Variants in XIRP1 observed in about 807,000 individuals in gnomAD.
XIRP1 encodes xin actin binding repeat containing 1.
For missense variants in XIRP1, 2,378 were observed against 2,345.4 expected (o/e 1.01, Z -0.29); for synonymous variants, 984 against 947.0 (o/e 1.04, Z -0.72).
Position 39,187,642 on chromosome 3 carries a change from G to A in XIRP1, c.1804C>T (p.Pro602Ser), listed in dbSNP as rs1389165789. Residue 602 changes from proline to serine, a missense_variant, in exon 2 of 2, where the codon CCA becomes TCA. Transcript: ENST00000340369. ...QTIRWLFETC[P>S]MSELAEKQGS... ...TGCTTTTCGGCCAACTCACTCATTG[G>A]GCAAGTCTCGAACAACCACCGGATG... The A allele has an allele frequency of 1.2e-6, 2 of 1,613,858 alleles. No homozygotes were observed. The highest frequency in any genetic ancestry group is 3.3e-5 in the Admixed American group (2 of 60,004).
In XIRP1 at chr3:39,185,195, G is replaced by A. The variant is rs773250053; in HGVS notation, c.4251C>T (p.Gly1417=). 1 of 1,613,550 alleles carries A rather than the reference G, an allele frequency of 6.2e-7. No homozygotes were observed. The highest frequency in any genetic ancestry group is 1.7e-5 in the Admixed American group (1 of 59,976). The change falls in exon 2 of 2, where the codon GGC becomes GGT. Residue 1417 remains glycine (G), a synonymous_variant. Coordinates refer to ENST00000340369, the MANE Select transcript of XIRP1 (RefSeq NM_194293.4). ...GGGGCTCAGAGCTCTGGGCATTGCT[G>A]CCTGTAGCCTGATTCTTGGTGGGCC... ...APRPTKNQAT[G]SNAQSSEPPK...
rs1575180995 is a variant in XIRP1, at chr3:39,187,125, G to A, written c.2321C>T (p.Thr774Ile). 2.5e-6 allele frequency: 4 copies of A among 1,613,130 alleles called. No individual in the cohort carries two copies. In the East Asian group the frequency reaches 8.9e-5, roughly 36 times the overall value. ...QESQETAAEG[T>I]LRTLHATPGI... ...AGGTGTGGCATGCAGAGTCCGCAGG[G>A]TCCCCTCAGCTGCAGTCTCCTGGCT... The change falls in exon 2 of 2, where the codon ACC (threonine) becomes ATC (isoleucine). Residue 774 changes from threonine (T) to isoleucine (I), a missense_variant. Coordinates refer to ENST00000340369, the MANE Select transcript of XIRP1 (RefSeq NM_194293.4).
In XIRP1 at chr3:39,183,857, G is replaced by A. The variant is rs2039908089; in HGVS notation, c.*57C>T. On this transcript the variant is annotated 3_prime_UTR_variant, in exon 2 of 2. Transcript: ENST00000340369. ...GTACAGGAGGCAGGTACCCACTTCAGTCCTGGGGCAGTGGAGGCCAGGAAC... is the reference window on the plus strand; with the variant it reads ...GTACAGGAGGCAGGTACCCACTTCAATCCTGGGGCAGTGGAGGCCAGGAAC... The A allele has an allele frequency of 1.3e-6, 2 of 1,565,564 alleles. No homozygotes were observed. The highest frequency in any genetic ancestry group is 2.7e-5 in the African/African-American group (2 of 74,402).
Position 39,184,721 on chromosome 3 carries a change from C to T in XIRP1, c.4725G>A (p.Gln1575=). ...QPEASARGHF[Q]GPPKDHSAHK... is the part of the protein sequence containing the mutation. ...GGGCACTGTGGTCTTTTGGAGGTCC[C>T]TGGAAATGGCCTCTGGCACTGGCCT... Residue 1575 remains glutamine, a synonymous_variant, in exon 2 of 2, where the codon CAG becomes CAA. Coordinates refer to ENST00000340369, the MANE Select transcript of XIRP1 (RefSeq NM_194293.4). The T allele has an allele frequency of 6.2e-7, 1 of 1,614,268 alleles. No homozygotes were observed. Among genetic ancestry groups the T allele is most frequent in the Non-Finnish European group, 8.5e-7 (1 of 1,180,048 alleles).
At position 39,185,669 on chromosome 3, in the gene XIRP1, A is replaced by C. The variant is rs1391694029; in HGVS notation, c.3777T>G (p.Thr1259=). The part of the protein sequence containing the change: ...PHNAFVPPPP[T]LPAAVTGPDF... ...CAGGTCCTGTCACAGCAGCTGGGAG[A>C]GTAGGAGGAGGAGGAACAAAGGCAT... Residue 1259 remains threonine, a synonymous_variant, in exon 2 of 2, where the codon ACT becomes ACG. Transcript: ENST00000340369. 2 of 1,612,986 alleles carry C rather than the reference A, an allele frequency of 1.2e-6. No individual in the cohort carries two copies. The highest frequency in any genetic ancestry group is 1.7e-5 in the Admixed American group (1 of 59,892).
At position 39,187,483 on chromosome 3, in the gene XIRP1, C is replaced by T; in HGVS notation, c.1963G>A (p.Glu655Lys). The T allele has an allele frequency of 6.2e-7, 1 of 1,614,042 alleles. No individual in the cohort carries two copies. Among genetic ancestry groups the T allele is most frequent in the Non-Finnish European group, 8.5e-7 (1 of 1,180,044 alleles). Residue 655 changes from glutamate to lysine, a missense_variant, in exon 2 of 2, where the codon GAA (glutamate) becomes AAA (lysine). Coordinates refer to ENST00000340369, the MANE Select transcript of XIRP1 (RefSeq NM_194293.4). ...AAGACGTGTCTGTCTGTCTGTCTTT[C>T]CCCAGCCGGGACCTGGCTAACCTGC... ...HLQVSQVPAGERQTDRHVFET... is the reference protein window; with the variant it reads ...HLQVSQVPAGKRQTDRHVFET...
At position 39,186,825 on chromosome 3, in the gene XIRP1, A is replaced by G; in HGVS notation, c.2621T>C (p.Met874Thr). The change falls in exon 2 of 2, where the codon ATG becomes ACG. Residue 874 changes from methionine (M) to threonine (T), a missense_variant. Coordinates refer to ENST00000340369, the MANE Select transcript of XIRP1 (RefSeq NM_194293.4). ...TPGSSGNIEDMDPELQQLLAC... is the reference protein window; with the variant it reads ...TPGSSGNIEDTDPELQQLLAC... ...CAGCAGCTGCTGGAGCTCAGGGTCCATGTCTTCAATATTCCCACTGCTGCC... is the reference window on the plus strand; with the variant it reads ...CAGCAGCTGCTGGAGCTCAGGGTCCGTGTCTTCAATATTCCCACTGCTGCC... 3 of 1,613,876 alleles carry G rather than the reference A, an allele frequency of 1.9e-6. No homozygotes were observed. Among genetic ancestry groups the G allele is most frequent in the Non-Finnish European group, 8.5e-7 (1 of 1,179,800 alleles).
In XIRP1 at chr3:39,184,416, G is replaced by A. The variant is rs762312713; in HGVS notation, c.5030C>T (p.Ser1677Leu). The A allele has an allele frequency of 1.3e-5, 21 of 1,614,016 alleles. No individual in the cohort carries two copies. Among genetic ancestry groups the A allele is most frequent in the African/African-American group, 4.0e-5 (3 of 74,912 alleles). The change falls in exon 2 of 2, where the codon TCG becomes TTG. Residue 1677 changes from serine (S) to leucine (L), a missense_variant. Transcript: ENST00000340369. ...PSSPTFISIQSATRKPLETPS... is the reference protein window; with the variant it reads ...PSSPTFISIQLATRKPLETPS... ...AGTCTCTAGAGGCTTCCTTGTGGCC[G>A]ACTGGATGGAGATAAATGTTGGGGA...
chr3:39,187,088 G>A lies in XIRP1; in HGVS notation c.2358C>T (p.His786=). 1 of 1,613,730 alleles carries A rather than the reference G, an allele frequency of 6.2e-7. No individual in the cohort carries two copies. Among genetic ancestry groups the A allele is most frequent in the African/African-American group, 1.3e-5 (1 of 75,050 alleles). Residue 786 remains histidine (H), a synonymous_variant, in exon 2 of 2, where the codon CAC becomes CAT. Transcript: ENST00000340369. ...RTLHATPGIL[H]HGGILMEARG... is the part of the protein sequence containing the mutation. ...GGGCCTCCATGAGGATGCCTCCATG[G>A]TGCAGGATGCCAGGTGTGGCATGCA...
In XIRP1 at chr3:39,188,812, G is replaced by C. The variant is rs778143281; in HGVS notation, c.634C>G (p.Gln212Glu). The C allele has an allele frequency of 6.2e-7, 1 of 1,613,200 alleles. No individual in the cohort carries two copies. Among genetic ancestry groups the C allele is most frequent in the African/African-American group, 1.3e-5 (1 of 74,944 alleles). ...RLGSRPSLQEQSPLELRSEIQ... is the reference protein window; with the variant it reads ...RLGSRPSLQEESPLELRSEIQ... ...TCTGAGCGCAGTTCCAAGGGGCTCT[G>C]CTCCTGCAGGGAGGGGCGGGAGCCC... Residue 212 changes from glutamine to glutamate, a missense_variant, in exon 2 of 2, where the codon CAG (glutamine) becomes GAG (glutamate). Gln to Glu is a conservative substitution (Grantham distance 29, BLOSUM62 2). Coordinates refer to ENST00000340369, the MANE Select transcript of XIRP1 (RefSeq NM_194293.4).
Position 39,184,129 on chromosome 3 carries a change from C to A in XIRP1, c.5317G>T (p.Glu1773Ter). 1 of 1,610,942 alleles carries A rather than the reference C, an allele frequency of 6.2e-7. No homozygotes were observed. The highest frequency in any genetic ancestry group is 1.1e-5 in the South Asian group (1 of 90,626). Residue 1773 changes from glutamate to a stop codon, truncating the protein, a stop_gained, in exon 2 of 2, where the codon GAG becomes TAG. Transcript: ENST00000340369. LOFTEE classifies it low-confidence loss of function (END_TRUNC). ...GTGTTCCCAAACTGGTCCACCTCCT[C>A]ATACTGTTCAGTCACGGTTCTCATG... ...GAMRTVTEQY[E>*]EVDQFGNTVL...
chr3:39,191,876 A>G (rs1226873802), intron 1 of XIRP1, among the ~76,000 whole-genome samples: 1 of 152,228 alleles, frequency 6.6e-6, no homozygotes, highest in East Asian at 1.9e-4. Context: ...GACTATGGAC[A>G]TGGGCAGAGT....
In XIRP1 at chr3:39,184,985, G is replaced by A; in HGVS notation, c.4461C>T (p.Ser1487=). 6.6e-7 allele frequency: 1 copy of A among 1,523,614 alleles called. No individual in the cohort carries two copies. The highest frequency in any genetic ancestry group is 8.8e-7 in the Non-Finnish European group (1 of 1,138,750). 94.4% of individuals were successfully genotyped at this position (1,523,614 alleles called of 1,614,324 possible). ...QVQALEKEAA[S]SVDVQALRRL... is the part of the protein sequence containing the mutation. ...TCCGCAGGGCCTGCACGTCCACACTGCTTGCGGCCTCCTTCTCCAGGGCTT... is the reference window on the plus strand; with the variant it reads ...TCCGCAGGGCCTGCACGTCCACACTACTTGCGGCCTCCTTCTCCAGGGCTT... Residue 1487 remains serine (S), a synonymous_variant, in exon 2 of 2, where the codon AGC becomes AGT. Coordinates refer to ENST00000340369, the MANE Select transcript of XIRP1 (RefSeq NM_194293.4).
intron 1 of XIRP1, among the ~76,000 whole-genome samples, chr3:39,190,535 T>C (rs1007069264): frequency 4.0e-5 from 6 of 151,888 alleles, no homozygotes; most frequent in African/African-American, 1.5e-4. Context: ...TGGATACCGC[T>C]CTCTAAGCAA....
chr3:39,183,530 T>A lies in XIRP1; in HGVS notation c.*384A>T, dbSNP rs939880068. 2 of 192,484 alleles carry A rather than the reference T, an allele frequency of 1.0e-5. No individual in the cohort carries two copies. Among genetic ancestry groups the A allele is most frequent in the African/African-American group, 4.7e-5 (2 of 42,548 alleles). 11.9% of individuals were successfully genotyped at this position (192,484 alleles called of 1,614,324 possible). On this transcript the variant is annotated 3_prime_UTR_variant, in exon 2 of 2. Coordinates refer to ENST00000340369, the MANE Select transcript of XIRP1 (RefSeq NM_194293.4). Reference sequence around the variant, plus strand: ...GGAACACTCAGACTAATTAAAGAAATAAAAACTCTGGGTAGAGGGACACTC... The same window carrying A: ...GGAACACTCAGACTAATTAAAGAAAAAAAAACTCTGGGTAGAGGGACACTC...
chr3:39,188,381 G>T lies in XIRP1; in HGVS notation c.1065C>A (p.Asp355Glu), dbSNP rs774949791. Reference protein sequence around the residue: ...QQHLFETRALDTLKGDEEAGA... With the variant: ...QQHLFETRALETLKGDEEAGA... ...CAGCCTCTTCGTCCCCCTTCAGAGT[G>T]TCCAGCGCTCGGGTCTCAAACAGAT... Residue 355 changes from aspartate to glutamate, a missense_variant, in exon 2 of 2, where the codon GAC becomes GAA. Transcript: ENST00000340369. The T allele has an allele frequency of 1.6e-5, 26 of 1,613,690 alleles. No homozygotes were observed. Among genetic ancestry groups the T allele is most frequent in the Non-Finnish European group, 2.2e-5 (26 of 1,179,618 alleles).
chr3:39,189,616 G>T, intron 1 of XIRP1, 91 bp from the exon 2 acceptor site: 1 of 1,049,094 alleles, frequency 9.5e-7, no homozygotes, highest in Non-Finnish European at 1.3e-6. Context: ...TATGTGCCTG[G>T]CCTGGGCTTC....
chr3:39,188,182 G>C lies in XIRP1; in HGVS notation c.1264C>G (p.Leu422Val). Residue 422 changes from leucine (L) to valine (V), a missense_variant, in exon 2 of 2, where the codon CTG (leucine) becomes GTG (valine). Physicochemically the swap from Leu to Val is conservative, Grantham distance 32. Coordinates refer to ENST00000340369, the MANE Select transcript of XIRP1 (RefSeq NM_194293.4). Reference sequence around the variant, plus strand: ...TGGGGGGCACTCTGAGAGAAGGGCAGTGCTGAGGAGCTGTCACTGGATAGA... The same window carrying C: ...TGGGGGGCACTCTGAGAGAAGGGCACTGCTGAGGAGCTGTCACTGGATAGA... ...GHLSSDSSSALPFSQSAPQRD... is the reference protein window; with the variant it reads ...GHLSSDSSSAVPFSQSAPQRD... The C allele has an allele frequency of 6.2e-7, 1 of 1,614,192 alleles. No homozygotes were observed. The highest frequency in any genetic ancestry group is 8.5e-7 in the Non-Finnish European group (1 of 1,180,028).
chr3:39,187,124 G>A lies in XIRP1; in HGVS notation c.2322C>T (p.Thr774=), dbSNP rs914153141. ...QESQETAAEG[T]LRTLHATPGI... Reference sequence around the variant, plus strand: ...CAGGTGTGGCATGCAGAGTCCGCAGGGTCCCCTCAGCTGCAGTCTCCTGGC... The same window carrying A: ...CAGGTGTGGCATGCAGAGTCCGCAGAGTCCCCTCAGCTGCAGTCTCCTGGC... The change falls in exon 2 of 2, where the codon ACC becomes ACT. Residue 774 remains threonine, a synonymous_variant. Coordinates refer to ENST00000340369, the MANE Select transcript of XIRP1 (RefSeq NM_194293.4). 7 of 1,613,018 alleles carry A rather than the reference G, an allele frequency of 4.3e-6. No homozygotes were observed. The African/African-American group carries it at 6.7e-5, about 15-fold the overall frequency.
Sources: allele counts gnomAD v4.1 joint callset (sites outside exome capture counted in the v4.1 genomes callset), GRCh38; gene constraint gnomAD v4.1.1; transcripts MANE v1.5; gene names NCBI Gene and HGNC (gene_info 2026-07-23, HGNC 2026-07-21).